Variants in PAM observed in about 807,000 individuals in gnomAD.
PAM encodes the protein peptidyl-glycine alpha-amidating monooxygenase.
A neutral mutation model predicts 122.1 loss-of-function variants in PAM; 72 were observed. The observed-to-expected ratio is 0.59, with a 90% CI of 0.49 to 0.72. PAM has a LOEUF of 0.72. PAM is among the 30% of genes least tolerant of loss of function. PAM has a pLI of 0.00. For synonymous variants in PAM, 389 were observed against 404.4 expected, an observed-to-expected ratio of 0.96 and a Z score of 0.46; for missense variants, 1,106 against 1,183.7, an observed-to-expected ratio of 0.93 and a Z score of 0.96.
intron 1 of PAM, among the ~76,000 whole-genome samples, chr5:102,800,973 C>T (rs933999171): frequency 5.9e-5 from 9 of 152,058 alleles, no homozygotes; most frequent in Admixed American, 1.3e-4. Flanking sequence ...TGGAATTTTC[C>T]ACATGGCTTA....
At chr5:102,797,263 A>G (rs1763611574) in intron 1 of PAM, among the ~76,000 whole-genome samples, 1 of 152,088 alleles carries the variant, frequency 6.6e-6, no homozygotes, top group Non-Finnish European at 1.5e-5. Flanking sequence ...TGTAACTTTC[A>G]TTTCTCTCAT....
In PAM at chr5:103,028,865, G is replaced by C. The variant is rs1203909511; in HGVS notation, c.2744-22G>C. On this transcript the variant is annotated intron_variant, in intron 25 of 25. Coordinates refer to ENST00000438793, the MANE Select transcript of PAM (RefSeq NM_001177306.2). ...ATTGCTGCAAACTTTACCCAATTCT[G>C]TTATTGTTTGCTTTTTTTCAGGAAA... 3.2e-6 allele frequency: 5 copies of C among 1,573,526 alleles called. No homozygotes were observed. The Admixed American group carries it at 5.5e-5, about 17-fold the overall frequency.
chr5:102,832,718 T>A (rs1175262413), intron 1 of PAM, among the ~76,000 whole-genome samples: 3 of 152,056 alleles, frequency 2.0e-5, no homozygotes, highest in Admixed American at 2.0e-4. Context: ...TATATATATA[T>A]AACTTTCCTG....
intron 16 of PAM, among the ~76,000 whole-genome samples, chr5:103,001,348 T>G (rs1394276036): frequency 6.6e-6 from 1 of 152,130 alleles, no homozygotes; most frequent in Non-Finnish European, 1.5e-5. Flanking sequence ...AATAATACTA[T>G]GAGTATTCTT....
At chr5:102,902,064 T>A (rs17154813) in intron 4 of PAM, among the ~76,000 whole-genome samples, 5,449 of 151,722 alleles carry the variant, frequency 0.036, 118 homozygotes, top group Non-Finnish European at 0.047. Context: ...ATGACAGACA[T>A]TTAACTGTTT....
chr5:103,006,934 A>T lies in PAM; in HGVS notation c.1937A>T (p.Tyr646Phe). ...GTGGATCCAGGCACTGGAGCCATTT[A>T]TGTATCAGATGGTTACTGCAACAGC... ...VAVDPGTGAIYVSDGYCNSRI... is the reference protein window; with the variant it reads ...VAVDPGTGAIFVSDGYCNSRI... The change falls in exon 19 of 26, where the codon TAT becomes TTT. Residue 646 changes from tyrosine to phenylalanine, a missense_variant. Physicochemically the swap from Tyr to Phe is conservative, Grantham distance 22. This residue lies in a region of PAM where 103 missense variants were observed against 157.9 expected (regional missense o/e 0.65). Transcript: ENST00000438793. 3.7e-6 allele frequency: 6 copies of T among 1,614,036 alleles called. No individual in the cohort carries two copies. The highest frequency in any genetic ancestry group is 5.1e-6 in the Non-Finnish European group (6 of 1,179,962).
intron 3 of PAM, among the ~76,000 whole-genome samples, chr5:102,885,586 C>T (rs1198317943): frequency 6.6e-6 from 1 of 151,856 alleles, no homozygotes; most frequent in Non-Finnish European, 1.5e-5. Context: ...AACAAATAGT[C>T]TCTATATTTT....
chr5:102,961,086 A>C, intron 13 of PAM, 72 bp from the exon 14 acceptor site: 2 of 776,860 alleles, frequency 2.6e-6, no homozygotes, highest in South Asian at 1.5e-5. Flanking sequence ...TTGATGGACT[A>C]TTTCCAATAA....
intron 6 of PAM, among the ~76,000 whole-genome samples, chr5:102,926,251 C>T (rs573154069): frequency 7.0e-4 from 106 of 152,242 alleles, no homozygotes; most frequent in South Asian, 6.8e-3. Context: ...CCCGCCACCG[C>T]GCCCGGCTAA....
At chr5:102,952,941 A>G (rs1257577741) in intron 12 of PAM, among the ~76,000 whole-genome samples, 1 of 152,180 alleles carries the variant, frequency 6.6e-6, no homozygotes, top group Non-Finnish European at 1.5e-5. Context: ...TGAAGCACAC[A>G]TAGGTATAAA....
At chr5:102,872,345 T>C (rs184649692) in intron 3 of PAM, among the ~76,000 whole-genome samples, 1 of 152,332 alleles carries the variant, frequency 6.6e-6, no homozygotes, top group African/African-American at 2.4e-5. Context: ...TATTACTTAT[T>C]TTAAAATATT....
intron 1 of PAM, among the ~76,000 whole-genome samples, chr5:102,784,310 A>G (rs1759907070): frequency 6.6e-6 from 1 of 152,098 alleles, no homozygotes; most frequent in Non-Finnish European, 1.5e-5. Context: ...GCTCCTGCCT[A>G]TGTGCTATTG....
intron 1 of PAM, among the ~76,000 whole-genome samples, chr5:102,857,147 A>C (rs1337222746): frequency 6.6e-6 from 1 of 152,204 alleles, no homozygotes; most frequent in Non-Finnish European, 1.5e-5. Flanking sequence ...AGGGCAAAAA[A>C]CAAATGAACA....
chr5:102,930,390 T>C (rs921486792), intron 7 of PAM, among the ~76,000 whole-genome samples: 3 of 151,966 alleles, frequency 2.0e-5, no homozygotes, highest in Admixed American at 6.6e-5. Context: ...TTTCCAGAAG[T>C]TGGACCCAGA....
chr5:102,870,971 T>G (rs1343652044), intron 3 of PAM, among the ~76,000 whole-genome samples: 2 of 152,218 alleles, frequency 1.3e-5, no homozygotes, highest in Admixed American at 6.5e-5. Context: ...GGTCATAGTA[T>G]GGTGATATCA....
chr5:102,831,220 A>C (rs1185352466), intron 1 of PAM, among the ~76,000 whole-genome samples: 1 of 152,204 alleles, frequency 6.6e-6, no homozygotes, highest in Non-Finnish European at 1.5e-5. Context: ...CCGTTACTTG[A>C]ATACATTTTT....
intron 12 of PAM, among the ~76,000 whole-genome samples, chr5:102,956,047 G>A (rs1365758017): frequency 2.0e-5 from 3 of 151,950 alleles, no homozygotes; most frequent in Non-Finnish European, 4.4e-5. Flanking sequence ...AGATGGAAAG[G>A]AATAAAGTAT....
intron 1 of PAM, chr5:102,838,689 A>G (rs1777736098): frequency 6.6e-6 from 1 of 152,158 alleles, no homozygotes; most frequent in African/African-American, 2.4e-5. Flanking sequence ...TCTGTTCATG[A>G]GCAGTAAATA....
intron 14 of PAM, among the ~76,000 whole-genome samples, chr5:102,963,890 T>C (rs1262862336): frequency 6.7e-6 from 1 of 150,126 alleles, no homozygotes. Context: ...GTATTATATA[T>C]ATATATTTAC....
Sources: allele counts gnomAD v4.1 joint callset (sites outside exome capture counted in the v4.1 genomes callset), GRCh38; gene constraint gnomAD v4.1.1; regional missense constraint gnomAD v4.1.1; transcripts MANE v1.5; gene names NCBI Gene and HGNC (gene_info 2026-07-23, HGNC 2026-07-21).